The following ATP9A variants were observed in gnomAD, a reference collection of about 807,000 sequenced individuals.
The protein encoded by ATP9A is ATPase phospholipid transporting 9A.
ATP9A carries 52 observed loss-of-function variants against 144.1 expected under a neutral mutation model. The ratio of observed to expected loss-of-function variants is 0.36; its 90% CI spans 0.29 to 0.45. ATP9A has a LOEUF of 0.45. ATP9A is among the 20% of genes least tolerant of loss of function. The pLI, the probability that ATP9A is intolerant of heterozygous loss-of-function variation, is 1.00. For missense variants in ATP9A, 947 were observed against 1,392.7 expected, an observed-to-expected ratio of 0.68 and a Z score of 5.09; for synonymous variants, 582 against 557.4, an observed-to-expected ratio of 1.04 and a Z score of -0.62.
At chr20:51,753,198 G>C (rs1287413080) in intron 1 of ATP9A, among the ~76,000 whole-genome samples, 6 of 152,156 alleles carry the variant, frequency 3.9e-5, no homozygotes, top group Admixed American at 3.9e-4. Flanking sequence ...ATAAGGCACT[G>C]GTTAAGTAAA....
rs138267012 is a variant in ATP9A, at chr20:51,744,173, T to C, written c.69-14195A>G. 3.5e-3 allele frequency among the ~76,000 whole-genome samples: 534 copies of C among 152,258 alleles called. 6 individuals are homozygous for C. The highest frequency in any genetic ancestry group is 0.011 in the African/African-American group (464 of 41,560). ...TTTATTATTTTATTTATTTTTTGTT[T>C]GTTTGTTTTTGAGACAGGGTCTCAC... On this transcript the variant is annotated intron_variant, in intron 1 of 27. Transcript: ENST00000338821.
chr20:51,721,535 C>T (rs1038849476), intron 3 of ATP9A, among the ~76,000 whole-genome samples: 2 of 152,122 alleles, frequency 1.3e-5, no homozygotes, highest in Non-Finnish European at 2.9e-5. Flanking sequence ...CGCAGTGGCT[C>T]ATGCTTGTAA....
chr20:51,746,093 A>G (rs2077806810), intron 1 of ATP9A, among the ~76,000 whole-genome samples: 1 of 152,180 alleles, frequency 6.6e-6, no homozygotes, highest in South Asian at 2.1e-4. Flanking sequence ...GCCAAATACC[A>G]CGTGTTCTCA....
chr20:51,625,433 A>AGTG, intron 17 of ATP9A, 71 bp from the exon 18 acceptor site: 1 of 1,525,000 alleles, frequency 6.6e-7, no homozygotes, highest in South Asian at 1.3e-5. Context: ...CAGTGCCAAG[A>AGTG]GTGGAAGGGC....
chr20:51,649,176 G>A (rs1325409181), intron 14 of ATP9A, among the ~76,000 whole-genome samples: 1 of 152,144 alleles, frequency 6.6e-6, no homozygotes, highest in Non-Finnish European at 1.5e-5. Context: ...AAAATAGCCA[G>A]AGACTGTGGT....
intron 1 of ATP9A, among the ~76,000 whole-genome samples, chr20:51,748,936 T>TAGACAGACAGACAGACAGACAGAC (rs1218193799): frequency 7.8e-6 from 1 of 128,424 alleles, no homozygotes; most frequent in Non-Finnish European, 1.7e-5. Flanking sequence ...GATAGATAGA[T>TAGACAGACAGACAGACAGACAGAC]AGATAGATAG....
chr20:51,629,067 T>C lies in ATP9A; in HGVS notation c.1674A>G (p.Glu558=), dbSNP rs2077260822. The C allele has an allele frequency of 6.2e-7, 1 of 1,613,236 alleles. No individual in the cohort carries two copies. Among genetic ancestry groups the C allele is most frequent in the Non-Finnish European group, 8.5e-7 (1 of 1,179,196 alleles). ...TGTAAAACGTAATTTCTCCAGTTGA[T>C]TCATCCTAGAGAGGGAGGCCGGAAG... ...SKRMGIIVRD[E]STGEITFYMK... is the part of the protein sequence containing the mutation. Residue 558 remains glutamate, a synonymous_variant, in exon 16 of 28, where the codon GAA becomes GAG. Transcript: ENST00000338821.
intron 3 of ATP9A, among the ~76,000 whole-genome samples, chr20:51,720,770 G>T (rs2122861243): frequency 6.6e-6 from 1 of 152,268 alleles, no homozygotes; most frequent in South Asian, 2.1e-4. Context: ...GGAGGTGATG[G>T]CTACAGTGAG....
At chr20:51,620,535 A>C (rs906589362) in intron 19 of ATP9A, among the ~76,000 whole-genome samples, 1 of 152,124 alleles carries the variant, frequency 6.6e-6, no homozygotes, top group Non-Finnish European at 1.5e-5. Context: ...GCTCACAGCC[A>C]CCAGTTCTGT....
intron 11 of ATP9A, 108 bp downstream of exon 11, chr20:51,674,045 C>T: frequency 7.4e-7 from 1 of 1,345,714 alleles, no homozygotes; most frequent in South Asian, 1.5e-5. Context: ...AGCAAAACTC[C>T]ATCTCAGAAA....
In ATP9A at chr20:51,735,044, C is replaced by T. The variant is rs6126332; in HGVS notation, c.69-5066G>A. The T allele has an allele frequency of 4.8e-3, 952 of 200,160 alleles. 23 individuals carry two copies. Among genetic ancestry groups the T allele is most frequent in the East Asian group, 0.034 (305 of 8,842 alleles). The allele number at this position is 200,160 out of a possible 1,614,324, so 12.4% of individuals were successfully genotyped here. Reference sequence around the variant, plus strand: ...CAGCTCAGGCTCTCAAAAGTGCCCACGCCCCTAAAAGGCTTCAGAGTAGAG... The same window carrying T: ...CAGCTCAGGCTCTCAAAAGTGCCCATGCCCCTAAAAGGCTTCAGAGTAGAG... On this transcript the variant is annotated intron_variant, in intron 1 of 27. Transcript: ENST00000338821.
chr20:51,658,628 T>C (rs191301635), intron 13 of ATP9A, among the ~76,000 whole-genome samples: 46 of 149,820 alleles, frequency 3.1e-4, no homozygotes, highest in Admixed American at 8.0e-4. Flanking sequence ...CAAGTGATTC[T>C]CCTGCCTCAG....
chr20:51,729,638 A>G (rs2077731444), intron 2 of ATP9A, among the ~76,000 whole-genome samples, 196 bp downstream of exon 2: 1 of 152,086 alleles, frequency 6.6e-6, no homozygotes. Context: ...CCAGCTACTC[A>G]GGAGGATGAG....
intron 4 of ATP9A, among the ~76,000 whole-genome samples, chr20:51,710,790 T>C (rs928285632): frequency 2.6e-5 from 4 of 152,088 alleles, no homozygotes; most frequent in Non-Finnish European, 5.9e-5. Flanking sequence ...CTGAGTGAAG[T>C]TGAAGCAAGA....
intron 1 of ATP9A, among the ~76,000 whole-genome samples, chr20:51,744,241 C>A (rs1378121627): frequency 1.3e-5 from 2 of 152,102 alleles, no homozygotes; most frequent in Non-Finnish European, 2.9e-5. Context: ...TCTCGGTTCA[C>A]TGTAACCTCC....
intron 25 of ATP9A, among the ~76,000 whole-genome samples, chr20:51,607,881 T>C (rs1568782617): frequency 6.6e-6 from 1 of 151,526 alleles, no homozygotes; most frequent in Non-Finnish European, 1.5e-5. Context: ...TCCTCTTTAC[T>C]AAAAATACAA....
intron 9 of ATP9A, among the ~76,000 whole-genome samples, chr20:51,676,747 G>A (rs1479098732): frequency 6.6e-6 from 1 of 151,830 alleles, no homozygotes; most frequent in East Asian, 1.9e-4. Context: ...CCAGAGTGCT[G>A]GGATTACAGG....
intron 9 of ATP9A, among the ~76,000 whole-genome samples, chr20:51,676,489 T>C (rs1192565717): frequency 6.6e-6 from 1 of 152,020 alleles, no homozygotes; most frequent in Non-Finnish European, 1.5e-5. Flanking sequence ...TGGGTTTGTT[T>C]TGTTTTGAGG....
At chr20:51,749,253 C>T (rs1411117107) in intron 1 of ATP9A, among the ~76,000 whole-genome samples, 11 of 152,052 alleles carry the variant, frequency 7.2e-5, no homozygotes, top group Admixed American at 6.6e-4. Flanking sequence ...TATACTGACA[C>T]GGAACGAGCT....
Sources: gnomAD v4.1 joint callset for allele counts (sites outside exome capture counted in the v4.1 genomes callset) on GRCh38, gnomAD v4.1.1 for gene constraint, MANE v1.5 for transcripts, NCBI Gene and HGNC (gene_info 2026-07-23, HGNC 2026-07-21) for gene names.